STRN: variants seen among roughly 807,000 people sequenced by gnomAD.
STRN encodes striatin, also known as protein phosphatase 2 regulatory subunit B'''alpha.
In STRN, 53 loss-of-function variants were observed where a neutral mutation model predicts 96.3. The ratio of observed to expected loss-of-function variants is 0.55; its 90% confidence interval spans 0.44 to 0.69. The LOEUF (loss-of-function observed/expected upper bound fraction) is 0.69, where lower values mean the gene tolerates loss of function less well. Among genes scored for constraint, STRN ranks in the 30% least tolerant of loss-of-function variants. The pLI is 0.00. For synonymous variants in STRN, 428 were observed against 355.9 expected (o/e 1.20, Z -2.28); for missense variants, 987 against 963.9 (o/e 1.02, Z -0.32).
intron 14 of STRN, among the ~76,000 whole-genome samples, chr2:36,856,182 T>A (rs1407321568): frequency 6.6e-6 from 1 of 152,238 alleles, no homozygotes; most frequent in African/African-American, 2.4e-5. Flanking sequence ...TTTGTAAGGA[T>A]GCAGAGCAAC....
At chr2:36,928,668 G>A (rs1479085621) in intron 1 of STRN, among the ~76,000 whole-genome samples, 1 of 137,186 alleles carries the variant, frequency 7.3e-6, no homozygotes, top group Non-Finnish European at 1.6e-5. Context: ...AAAAAGGCAG[G>A]GCGCAGTGGC....
chr2:36,855,532 A>G (rs1668322900), intron 14 of STRN, among the ~76,000 whole-genome samples, 180 bp from the exon 15 acceptor site: 1 of 152,196 alleles, frequency 6.6e-6, no homozygotes, highest in South Asian at 2.1e-4. Flanking sequence ...TTTTAGCCCT[A>G]GTCTATTTAT....
Position 36,845,883 on chromosome 2 carries a change from A to G in STRN, c.*3573T>C, listed in dbSNP as rs1668054505. Reference sequence around the variant, plus strand: ...CAAATCAGGACCTTCACAGATTGGTAAACACACACACACACACACACACGC... The same window carrying G: ...CAAATCAGGACCTTCACAGATTGGTGAACACACACACACACACACACACGC... On this transcript the variant is annotated 3_prime_UTR_variant, in exon 18 of 18. Coordinates refer to ENST00000263918, the MANE Select transcript of STRN (RefSeq NM_003162.4). The G allele has an allele frequency of 4.4e-5, 1 of 22,658 alleles. No homozygotes were observed. Among genetic ancestry groups the G allele is most frequent in the Admixed American group, 9.1e-4 (1 of 1,098 alleles). 1.4% of individuals were successfully genotyped at this position (22,658 alleles called of 1,614,324 possible).
rs1173209899 is a variant in STRN, at chr2:36,846,344, C to T, written c.*3112G>A. 7.7e-6 allele frequency: 1 copy of T among 129,688 alleles called. No individual in the cohort carries two copies. The highest frequency in any genetic ancestry group is 1.6e-5 in the Non-Finnish European group (1 of 63,580). The allele number at this position is 129,688 out of a possible 1,614,324, so 8.0% of individuals were successfully genotyped here. On this transcript the variant is annotated 3_prime_UTR_variant, in exon 18 of 18. Coordinates refer to ENST00000263918, the MANE Select transcript of STRN (RefSeq NM_003162.4). ...TCATCATTATCTGCTGTGTATACTA[C>T]CTCCAAAAATGAAAATACAAAACAG...
intron 6 of STRN, among the ~76,000 whole-genome samples, chr2:36,898,989 C>A (rs1572658566): frequency 1.3e-5 from 2 of 152,220 alleles, no homozygotes; most frequent in Non-Finnish European, 2.9e-5. Context: ...GAAGTGGCTA[C>A]TTCGAGACAT....
Position 36,841,093 on chromosome 2 carries a change from T to C in STRN, c.*8363A>G, listed in dbSNP as rs1667939642. The C allele has an allele frequency of 6.6e-6, 1 of 152,164 alleles. No individual in the cohort carries two copies. Among genetic ancestry groups the C allele is most frequent in the South Asian group, 2.1e-4 (1 of 4,830 alleles). 9.4% of individuals were successfully genotyped at this position (152,164 alleles called of 1,614,324 possible). Reference sequence around the variant, plus strand: ...GCAATGATGTTTCTAAAGATTCTCTTATTTTTTAATTGTGATTAGTAGATG... The same window carrying C: ...GCAATGATGTTTCTAAAGATTCTCTCATTTTTTAATTGTGATTAGTAGATG... On this transcript the variant is annotated 3_prime_UTR_variant, in exon 18 of 18. Transcript: ENST00000263918.
At chr2:36,914,795 G>A (rs989121088) in intron 3 of STRN, among the ~76,000 whole-genome samples, 5 of 152,144 alleles carry the variant, frequency 3.3e-5, no homozygotes, top group African/African-American at 9.7e-5. Context: ...TCTGTGTGAC[G>A]TTGGGCAAGT....
chr2:36,904,359 C>CA (rs748172805), intron 4 of STRN, among the ~76,000 whole-genome samples: 4 of 152,090 alleles, frequency 2.6e-5, no homozygotes, highest in Non-Finnish European at 2.9e-5. Context: ...AATCAACCTC[C>CA]AAAAAACCAG....
At chr2:36,880,177 A>T (rs1572643699) in intron 9 of STRN, among the ~76,000 whole-genome samples, 1 of 152,234 alleles carries the variant, frequency 6.6e-6, no homozygotes, top group East Asian at 1.9e-4. Flanking sequence ...CACGTTGGCC[A>T]GGCTGGTCTC....
At chr2:36,904,405 A>G (rs1265785281) in intron 4 of STRN, among the ~76,000 whole-genome samples, 5 of 152,218 alleles carry the variant, frequency 3.3e-5, no homozygotes, top group Non-Finnish European at 7.3e-5. Context: ...ACAAATCTGA[A>G]TATGAGTTTC....
rs1189655141 is a variant in STRN, at chr2:36,838,662, A to G, written c.*10794T>C. 6.6e-6 allele frequency among the ~76,000 whole-genome samples: 1 copy of G among 152,240 alleles called. No homozygotes were observed. The highest frequency in any genetic ancestry group is 1.5e-5 in the Non-Finnish European group (1 of 68,048). On this transcript the variant is annotated 3_prime_UTR_variant, in exon 18 of 18. Transcript: ENST00000263918. ...CGGCCACTTTGGGAAACAATCTGTC[A>G]ATATTTATTTAAAAATTTAAATATA...
Position 36,878,412 on chromosome 2 carries a change from T to C in STRN, c.1187-385A>G, listed in dbSNP as rs577796953. 3.2e-4 allele frequency among the ~76,000 whole-genome samples: 48 copies of C among 152,372 alleles called. 1 individual carries two copies. Among genetic ancestry groups the C allele is most frequent in the Admixed American group, 1.0e-3 (16 of 15,310 alleles). On this transcript the variant is annotated intron_variant, in intron 9 of 17. Coordinates refer to ENST00000263918, the MANE Select transcript of STRN (RefSeq NM_003162.4). ...ACAAGTGCTGGTCTCATTCAAAATA[T>C]AATTCATTAATTTTATAACCTAGAA... is the stretch of plus-strand genomic sequence containing the variant.
rs1399478518 is a variant in STRN at position 36,842,117 on chromosome 2, A to G, written c.*7339T>C. The G allele has an allele frequency of 6.6e-6, 1 of 152,196 alleles. No individual in the cohort carries two copies. Among genetic ancestry groups the G allele is most frequent in the Non-Finnish European group, 1.5e-5 (1 of 68,024 alleles). The allele number at this position is 152,196 out of a possible 1,614,324, so 9.4% of individuals were successfully genotyped here. A position where few individuals can be genotyped will look rare whatever the true frequency, so the allele number is the denominator to read the frequency against. The stretch of plus-strand genomic sequence containing the variant: ...TAGTTGGATGCCAGCATACTTTAAC[A>G]TTTCGGCACATATACAAACCACAAG... On this transcript the variant is annotated 3_prime_UTR_variant, in exon 18 of 18. Transcript: ENST00000263918.
chr2:36,900,756 A>C (rs1268741772), intron 5 of STRN, among the ~76,000 whole-genome samples: 1 of 152,034 alleles, frequency 6.6e-6, no homozygotes, highest in African/African-American at 2.4e-5. Flanking sequence ...AGCTGGGTGT[A>C]GTGGCGCATG....
In STRN at chr2:36,948,081, C is replaced by CTTTTTTTTTTTTTTTTTTTTTTTTT. The variant is rs553351693; in HGVS notation, c.234+18124_234+18148dup. Among the ~76,000 whole-genome samples the CTTTTTTTTTTTTTTTTTTTTTTTTT allele has an allele frequency of 4.4e-5, 3 of 68,138 alleles. 1 individual carries two copies. The highest frequency in any genetic ancestry group is 1.3e-4 in the African/African-American group (2 of 15,886). 44.7% of individuals were successfully genotyped at this position (68,138 alleles called of 152,430 possible). A position where few individuals can be genotyped will look rare whatever the true frequency, so the allele number is the denominator to read the frequency against. On this transcript the variant is annotated intron_variant, in intron 1 of 17. Transcript: ENST00000263918. ...TCTCCTCTATAATTATCAGTGCACT[C>CTTTTTTTTTTTTTTTTTTTTTTTTT]TTTTTTTTTTTTTTTTTTTTTTTTT...
rs555622846 is a variant in STRN at position 36,873,180 on chromosome 2, C to T, written c.1324-3451G>A. Among the ~76,000 whole-genome samples the T allele has an allele frequency of 3.3e-5, 5 of 152,292 alleles. No homozygotes were observed. In the East Asian group the frequency reaches 5.8e-4, roughly 18 times the overall value. On this transcript the variant is annotated intron_variant, in intron 10 of 17. Transcript: ENST00000263918. ...TGTAAAAATTTAAAATGGAATAAAG[C>T]GATCCCAGATCCCAGAGCCAGTGGC...
At chr2:36,911,945 T>C (rs989526804) in intron 3 of STRN, among the ~76,000 whole-genome samples, 1 of 152,196 alleles carries the variant, frequency 6.6e-6, no homozygotes, top group African/African-American at 2.4e-5. Context: ...CCTTCTCTAC[T>C]TTTCTTAAAC....
intron 13 of STRN, among the ~76,000 whole-genome samples, chr2:36,860,186 G>A (rs1668440212): frequency 6.6e-6 from 1 of 152,170 alleles, no homozygotes; most frequent in African/African-American, 2.4e-5. Context: ...CAAGAGATTA[G>A]AATGCAGTCG....
chr2:36,900,630 C>T (rs1370080792), intron 5 of STRN, among the ~76,000 whole-genome samples: 1 of 152,190 alleles, frequency 6.6e-6, no homozygotes, highest in East Asian at 1.9e-4. Flanking sequence ...GTGGCTCACA[C>T]CTGTAATCCC....
Sources: allele counts gnomAD v4.1 joint callset (sites outside exome capture counted in the v4.1 genomes callset), GRCh38; gene constraint gnomAD v4.1.1; transcripts MANE v1.5; gene names NCBI Gene and HGNC (gene_info 2026-07-23, HGNC 2026-07-21).